RBFOX3: variants seen among roughly 807,000 people sequenced by gnomAD.
RBFOX3 encodes RNA binding fox-1 homolog 3, also known as RNA binding protein fox-1 homolog 3.
In RBFOX3, 17 loss-of-function variants were observed where a neutral mutation model predicts 48.7. The observed-to-expected ratio is 0.35, with a 90% CI of 0.24 to 0.52. RBFOX3 has a LOEUF of 0.52. Ranked by LOEUF, RBFOX3 falls within the 20% of genes least tolerant of loss-of-function variation. The pLI is 0.94. For synonymous variants in RBFOX3, 212 were observed against 209.5 expected, an observed-to-expected ratio of 1.01 and a Z score of -0.10; for missense variants, 382 against 497.5, an observed-to-expected ratio of 0.77 and a Z score of 2.21.
At chr17:79,639,236 G>A in the RBFOX3 span, among the ~76,000 whole-genome samples, 246 of 151,948 alleles carry the variant, frequency 1.6e-3, no homozygotes, top group Middle Eastern at 3.4e-3. Flanking sequence ...GTGCAGCGGC[G>A]CAATCTCGGC....
chr17:79,661,212 T>C, the RBFOX3 span, among the ~76,000 whole-genome samples: 1 of 152,232 alleles, frequency 6.6e-6, no homozygotes, highest in East Asian at 1.9e-4. Flanking sequence ...TGCAGCAAAC[T>C]ACCACAGCAC....
intron 4 of RBFOX3, among the ~76,000 whole-genome samples, chr17:79,145,222 C>T (rs2042781880): frequency 6.6e-6 from 1 of 152,168 alleles, no homozygotes; most frequent in Admixed American, 6.5e-5. Flanking sequence ...CAGGAGCCTG[C>T]GCACGTCCTA....
intron 4 of RBFOX3, among the ~76,000 whole-genome samples, chr17:79,193,083 G>T (rs1436050161): frequency 3.3e-5 from 5 of 152,202 alleles, no homozygotes; most frequent in African/African-American, 4.8e-5. Flanking sequence ...TGAAAGGCAG[G>T]CTAATTCCTC....
intron 4 of RBFOX3, among the ~76,000 whole-genome samples, chr17:79,218,916 G>T (rs1446191163): frequency 2.6e-5 from 4 of 152,236 alleles, no homozygotes; most frequent in Admixed American, 6.5e-5. Flanking sequence ...AGCCCATGGG[G>T]TGACCAGCGG....
intron 1 of RBFOX3, among the ~76,000 whole-genome samples, chr17:79,489,536 C>A (rs1184906139): frequency 1.3e-5 from 2 of 152,208 alleles, no homozygotes; most frequent in East Asian, 3.9e-4. Context: ...CTCAAGCGAT[C>A]CACCCACCTT....
chr17:79,419,075 G>A (rs1003492214), intron 2 of RBFOX3, among the ~76,000 whole-genome samples: 1 of 152,146 alleles, frequency 6.6e-6, no homozygotes, highest in Non-Finnish European at 1.5e-5. Context: ...AAATTAGCAG[G>A]CAACATTCCC....
chr17:79,521,310 A>G (rs1013627327), intron 1 of RBFOX3, among the ~76,000 whole-genome samples: 7 of 150,256 alleles, frequency 4.7e-5, no homozygotes, highest in African/African-American at 1.8e-4. Context: ...ATACACACAC[A>G]TGCTCAGACA....
chr17:79,175,885 G>A (rs117900781), intron 4 of RBFOX3, among the ~76,000 whole-genome samples: 5 of 152,338 alleles, frequency 3.3e-5, no homozygotes, highest in Non-Finnish European at 5.9e-5. Context: ...CAGACGCCCC[G>A]GCTGGAAGGG....
At chr17:79,656,687 A>G in the RBFOX3 span, among the ~76,000 whole-genome samples, 11 of 25,550 alleles carry the variant, frequency 4.3e-4, no homozygotes, top group East Asian at 0.025. Flanking sequence ...GAAGGAGGGA[A>G]GGAAGGAAGG....
At chr17:79,454,956 A>G (rs12951583) in intron 2 of RBFOX3, among the ~76,000 whole-genome samples, 83,372 of 152,126 alleles carry the variant, frequency 0.55, 23,177 homozygotes, top group Middle Eastern at 0.6. Flanking sequence ...CTGGGCTGCT[A>G]CAGAGCCAGC....
intron 1 of RBFOX3, among the ~76,000 whole-genome samples, chr17:79,578,361 C>T (rs936099506): frequency 6.6e-6 from 1 of 152,270 alleles, no homozygotes; most frequent in Admixed American, 6.5e-5. Context: ...AGAGCAAAAC[C>T]AAACCGAGGC....
At chr17:79,139,040 G>A (rs933983955) in intron 4 of RBFOX3, among the ~76,000 whole-genome samples, 25 of 112,622 alleles carry the variant, frequency 2.2e-4, no homozygotes, top group East Asian at 8.3e-4. Context: ...ACACACGCAC[G>A]CACACAGCAC....
At chr17:79,328,706 C>A (rs1044467366) in intron 2 of RBFOX3, among the ~76,000 whole-genome samples, 18 of 152,090 alleles carry the variant, frequency 1.2e-4, no homozygotes, top group Non-Finnish European at 1.6e-4. Flanking sequence ...GGCAACAGAG[C>A]GATGGAAGGG....
At chr17:79,507,758 C>CT (rs2083382108) in intron 1 of RBFOX3, among the ~76,000 whole-genome samples, 1 of 152,134 alleles carries the variant, frequency 6.6e-6, no homozygotes, top group Non-Finnish European at 1.5e-5. Context: ...TCTCTAATGA[C>CT]CACCCCAAAG....
intron 2 of RBFOX3, among the ~76,000 whole-genome samples, chr17:79,420,375 G>A (rs1324965592): frequency 6.6e-6 from 1 of 152,100 alleles, no homozygotes; most frequent in Non-Finnish European, 1.5e-5. Context: ...CCAAGTCAGG[G>A]ACTCCCAATT....
chr17:79,275,743 T>G lies in RBFOX3; in HGVS notation c.-74+31981A>C, dbSNP rs554476027. Among the ~76,000 whole-genome samples the G allele has an allele frequency of 2.6e-5, 4 of 152,242 alleles. No homozygotes were observed. The South Asian group carries it at 6.2e-4, about 24-fold the overall frequency. On this transcript the variant is annotated intron_variant, in intron 3 of 14. Coordinates refer to ENST00000693108, the MANE Select transcript of RBFOX3 (RefSeq NM_001350451.2). ...CCCATACTAACACTGTGTGGTCAAGTGGCACATGGTGGGCTATGGATGGTC... is the reference window on the plus strand; with the variant it reads ...CCCATACTAACACTGTGTGGTCAAGGGGCACATGGTGGGCTATGGATGGTC...
At chr17:79,142,425 C>A (rs948362238) in intron 4 of RBFOX3, among the ~76,000 whole-genome samples, 1 of 152,170 alleles carries the variant, frequency 6.6e-6, no homozygotes, top group African/African-American at 2.4e-5. Flanking sequence ...CTGTTGCCCA[C>A]GGCTGAGCAC....
intron 4 of RBFOX3, among the ~76,000 whole-genome samples, chr17:79,117,838 G>A (rs920276735): frequency 6.6e-5 from 10 of 152,210 alleles, no homozygotes; most frequent in South Asian, 2.1e-4. Flanking sequence ...GCAGTCCAGC[G>A]GGAAAGGAAA....
intron 4 of RBFOX3, among the ~76,000 whole-genome samples, chr17:79,174,870 G>A (rs527998063): frequency 3.9e-4 from 59 of 152,350 alleles, no homozygotes; most frequent in African/African-American, 1.4e-3. Context: ...AGAGCTGAGC[G>A]TCCCCTTGCA....
Sources: gnomAD v4.1 joint callset for allele counts (sites outside exome capture counted in the v4.1 genomes callset) on GRCh38, gnomAD v4.1.1 for gene constraint, MANE v1.5 for transcripts, NCBI Gene and HGNC (gene_info 2026-07-23, HGNC 2026-07-21) for gene names.